SCIMP: variants seen among roughly 807,000 people sequenced by gnomAD.
SCIMP encodes SLP adaptor and CSK interacting membrane protein, also known as SLP adapter and CSK-interacting membrane protein.
SCIMP carries 18 observed loss-of-function variants against 22.0 expected under a neutral mutation model. The ratio of observed to expected loss-of-function variants is 0.82; its 90% CI spans 0.56 to 1.21. The LOEUF (loss-of-function observed/expected upper bound fraction) is 1.21, where lower values mean the gene tolerates loss of function less well. Ranked by LOEUF, SCIMP falls within the 50% of genes most tolerant of loss-of-function variation. The pLI is 0.00. For synonymous variants in SCIMP, 53 were observed against 62.2 expected, an observed-to-expected ratio of 0.85 and a Z score of 0.70; for missense variants, 155 against 171.2, an observed-to-expected ratio of 0.91 and a Z score of 0.53.
chr17:5,223,198 C>A, intron 2 of SCIMP, 135 bp downstream of exon 2: 12 of 892,620 alleles, frequency 1.3e-5, no homozygotes, highest in South Asian at 3.1e-5. Context: ...AGGACTCAAA[C>A]CCAGAATGCA....
intron 4 of SCIMP, among the ~76,000 whole-genome samples, chr17:5,211,790 G>A (rs1188121643): frequency 1.3e-5 from 2 of 152,270 alleles, no homozygotes; most frequent in Middle Eastern, 3.4e-3. Context: ...GGGCGCGGTG[G>A]CTTATGCCTG....
At chr17:5,234,526 C>T (rs2074729081) in intron 1 of SCIMP, 1 of 600,992 alleles carries the variant, frequency 1.7e-6, no homozygotes, top group East Asian at 2.8e-5. Flanking sequence ...AGTGATGCCT[C>T]AGGTCACTCA....
Position 5,223,396 on chromosome 17 carries a change from T to C in SCIMP, c.82A>G (p.Ile28Val). 1.2e-6 allele frequency: 2 copies of C among 1,613,220 alleles called. No homozygotes were observed. The highest frequency in any genetic ancestry group is 1.7e-6 in the Non-Finnish European group (2 of 1,179,594). The change falls in exon 2 of 5, where the codon ATC (isoleucine) becomes GTC (valine). Residue 28 changes from isoleucine to valine, a missense_variant. Transcript: ENST00000574081. The stretch of plus-strand genomic sequence containing the variant: ...AGGCCCAGACCCACAGAGACAACGA[T>C]GATGGCCACAGCTAAGATGATCCAG... ...NFWIILAVAI[I>V]VVSVGLGLIL...
chr17:5,229,208 T>C (rs996986034), intron 1 of SCIMP, among the ~76,000 whole-genome samples: 3 of 151,904 alleles, frequency 2.0e-5, no homozygotes, highest in Non-Finnish European at 4.4e-5. Context: ...GTGGTTTCAG[T>C]GGAAAGGATT....
At chr17:5,227,896 T>C (rs759935046) in intron 1 of SCIMP, among the ~76,000 whole-genome samples, 2 of 152,046 alleles carry the variant, frequency 1.3e-5, no homozygotes, top group Non-Finnish European at 2.9e-5. Context: ...TGAAATATGT[T>C]GGGCGCGGTG....
intron 3 of SCIMP, 32 bp downstream of exon 3, chr17:5,221,254 CA>C (rs2074605162): frequency 6.6e-7 from 1 of 1,519,190 alleles, no homozygotes; most frequent in African/African-American, 1.4e-5. Flanking sequence ...CAGTTCTCAA[CA>C]GTAAAAAGCG....
rs1435958164 is a variant in SCIMP, at chr17:5,211,116, C to T, written c.284-161G>A. 2.0e-5 allele frequency among the ~76,000 whole-genome samples: 3 copies of T among 152,154 alleles called. No homozygotes were observed. In the East Asian group the frequency reaches 5.8e-4, roughly 29 times the overall value. ...AAATTTAGACACAGACCTGACAGAG[C>T]CTCAGGATCACCCAAGTGAGTAACT... On this transcript the variant is annotated intron_variant, in intron 4 of 4. Transcript: ENST00000574081.
chr17:5,222,098 T>G lies in SCIMP; in HGVS notation c.146-748A>C, dbSNP rs1470048259. ...CTGGCAGGAATGAAAACTTGTTTTTTTTTTTTTTTAAGATGGAGTCTCACA... is the reference window on the plus strand; with the variant it reads ...CTGGCAGGAATGAAAACTTGTTTTTGTTTTTTTTTAAGATGGAGTCTCACA... On this transcript the variant is annotated intron_variant, in intron 2 of 4. Coordinates refer to ENST00000574081, the MANE Select transcript of SCIMP (RefSeq NM_207103.3). Among the ~76,000 whole-genome samples, 6 of 150,452 alleles carry G rather than the reference T, an allele frequency of 4.0e-5. No individual in the cohort carries two copies. The East Asian group carries it at 1.2e-3, about 29-fold the overall frequency.
chr17:5,228,033 A>T (rs560656230), intron 1 of SCIMP, among the ~76,000 whole-genome samples: 6 of 152,098 alleles, frequency 3.9e-5, no homozygotes, highest in Non-Finnish European at 8.8e-5. Flanking sequence ...TTAGCCAGGC[A>T]TGGTGGTGTG....
intron 3 of SCIMP, among the ~76,000 whole-genome samples, chr17:5,220,040 G>C (rs2144321547): frequency 6.6e-6 from 1 of 152,236 alleles, no homozygotes; most frequent in South Asian, 2.1e-4. Flanking sequence ...TAATTGTTGA[G>C]CAAAATCGCT....
In SCIMP at chr17:5,210,446, A is replaced by G. The variant is rs2074518549; in HGVS notation, c.*355T>C. 1 of 203,424 alleles carries G rather than the reference A, an allele frequency of 4.9e-6. No individual in the cohort carries two copies. Among genetic ancestry groups the G allele is most frequent in the Admixed American group, 5.3e-5 (1 of 18,786 alleles). The allele number at this position is 203,424 out of a possible 1,614,324, so 12.6% of individuals were successfully genotyped here. A position where few individuals can be genotyped will look rare whatever the true frequency, so the allele number is the denominator to read the frequency against. ...ATGCTGAGATTTAATATCACTCAGAACCATGCAAACCAAAGGGAATGAAGG... is the reference window on the plus strand; with the variant it reads ...ATGCTGAGATTTAATATCACTCAGAGCCATGCAAACCAAAGGGAATGAAGG... On this transcript the variant is annotated 3_prime_UTR_variant, in exon 5 of 5. Coordinates refer to ENST00000574081, the MANE Select transcript of SCIMP (RefSeq NM_207103.3).
chr17:5,218,955 C>T (rs2074585553), intron 3 of SCIMP, among the ~76,000 whole-genome samples: 1 of 152,076 alleles, frequency 6.6e-6, no homozygotes. Flanking sequence ...TGTGTATACT[C>T]CAAAGAAAGG....
chr17:5,226,541 T>C (rs1384860085), intron 1 of SCIMP, among the ~76,000 whole-genome samples: 1 of 151,018 alleles, frequency 6.6e-6, no homozygotes, highest in Non-Finnish European at 1.5e-5. Flanking sequence ...GTCTCGCTCT[T>C]GTACCCCAGG....
At chr17:5,214,032 C>T (rs1400134664) in intron 4 of SCIMP, 1 of 152,148 alleles carries the variant, frequency 6.6e-6, no homozygotes, top group Non-Finnish European at 1.5e-5. Context: ...AATCTGACTC[C>T]CTGATGCTCT....
intron 4 of SCIMP, 34 bp from the exon 5 acceptor site, chr17:5,210,989 C>G (rs1247479765): frequency 6.3e-7 from 1 of 1,577,838 alleles, no homozygotes. Context: ...AGATGCAAAG[C>G]TGTCATGTGT....
Position 5,223,351 on chromosome 17 carries a change from T to TA in SCIMP, c.126dup (p.Lys43Ter). 2 of 1,613,746 alleles carry TA rather than the reference T, an allele frequency of 1.2e-6. No individual in the cohort carries two copies. The highest frequency in any genetic ancestry group is 1.7e-6 in the Non-Finnish European group (2 of 1,179,898). ...CCATTACCTCGTCTAAGCTGCCACT[T>TA]ACAGACACAGTACAGGATGAGGCCC... On this transcript the variant is annotated frameshift_variant, in exon 2 of 5. Coordinates refer to ENST00000574081, the MANE Select transcript of SCIMP (RefSeq NM_207103.3). LOFTEE classifies it high-confidence loss of function.
intron 3 of SCIMP, chr17:5,215,226 G>A: frequency 2.0e-6 from 1 of 501,406 alleles, no homozygotes; most frequent in Non-Finnish European, 3.6e-6. Context: ...TGAGGGGAGG[G>A]AAATAAAGTG....
At chr17:5,213,015 G>T (rs1309849290) in intron 4 of SCIMP, 1 of 454,982 alleles carries the variant, frequency 2.2e-6, no homozygotes, top group Non-Finnish European at 2.9e-6. Context: ...CCTCTTTGAG[G>T]TGGTAACTTC....
At chr17:5,217,875 G>A (rs2074577271) in intron 3 of SCIMP, among the ~76,000 whole-genome samples, 1 of 151,938 alleles carries the variant, frequency 6.6e-6, no homozygotes, top group African/African-American at 2.4e-5. Context: ...ATAAACATAC[G>A]TGTGCCTGTG....
Sources: allele counts gnomAD v4.1 joint callset (sites outside exome capture counted in the v4.1 genomes callset), GRCh38; gene constraint gnomAD v4.1.1; transcripts MANE v1.5; gene names NCBI Gene and HGNC (gene_info 2026-07-23, HGNC 2026-07-21).